CFAP61: variants seen among roughly 807,000 people sequenced by gnomAD.
CFAP61 encodes cilia- and flagella-associated protein 61.
In CFAP61, 107 loss-of-function variants were observed where a neutral mutation model predicts 135.6. That is an observed-to-expected ratio of 0.79 (90% CI 0.67 to 0.93). The LOEUF (loss-of-function observed/expected upper bound fraction) is 0.93. Ranked by LOEUF, CFAP61 falls within the 40% of genes least tolerant of loss-of-function variation. The pLI, the probability that CFAP61 is intolerant of heterozygous loss-of-function variation, is 0.00. For synonymous variants in CFAP61, 575 were observed against 578.5 expected, an observed-to-expected ratio of 0.99 and a Z score of 0.09; for missense variants, 1,507 against 1,556.2, an observed-to-expected ratio of 0.97 and a Z score of 0.53.
chr20:20,336,757 A>G (rs1226457605), intron 25 of CFAP61, among the ~76,000 whole-genome samples: 1 of 152,230 alleles, frequency 6.6e-6, no homozygotes, highest in African/African-American at 2.4e-5. Context: ...ATGAAGCTGC[A>G]GAGAGGACAA....
chr20:20,082,917 A>G (rs558688033), intron 6 of CFAP61, among the ~76,000 whole-genome samples: 1 of 152,210 alleles, frequency 6.6e-6, no homozygotes, highest in Non-Finnish European at 1.5e-5. Context: ...TACAACCACT[A>G]TGGAAAACAG....
Position 20,228,317 on chromosome 20 carries a change from G to T in CFAP61, c.2001G>T (p.Lys667Asn). Residue 667 changes from lysine to asparagine, a missense_variant, in exon 18 of 27, where the codon AAG (lysine) becomes AAT (asparagine). Physicochemically the swap from Lys to Asn is moderately conservative, Grantham distance 94. Coordinates refer to ENST00000245957, the MANE Select transcript of CFAP61 (RefSeq NM_015585.4). ...AACCTAAAATTACTGTCAATGCCAA[G>T]ATCATTGTGGTTGGTGCATCCAGTG... ...TLEPKITVNA[K>N]IIVVGASSVG... The T allele has an allele frequency of 6.2e-7, 1 of 1,611,510 alleles. No individual in the cohort carries two copies. Among genetic ancestry groups the T allele is most frequent in the Non-Finnish European group, 8.5e-7 (1 of 1,177,878 alleles).
intron 9 of CFAP61, among the ~76,000 whole-genome samples, chr20:20,148,290 A>C (rs1360189318): frequency 6.6e-6 from 1 of 152,220 alleles, no homozygotes; most frequent in Non-Finnish European, 1.5e-5. Context: ...TCTGTGAAGA[A>C]TGACGATAGT....
At chr20:20,098,521 A>G in intron 7 of CFAP61, 134 bp from the exon 8 acceptor site, 1 of 713,792 alleles carries the variant, frequency 1.4e-6, no homozygotes. Context: ...GGGGAGAAGA[A>G]TTGCTTGAAC....
At chr20:20,287,397 C>T (rs1261432511) in intron 22 of CFAP61, among the ~76,000 whole-genome samples, 1 of 152,178 alleles carries the variant, frequency 6.6e-6, no homozygotes, top group Non-Finnish European at 1.5e-5. Context: ...AATATGGCAG[C>T]CAGTAGCCAC....
chr20:20,168,723 T>A (rs1203768319), intron 12 of CFAP61, among the ~76,000 whole-genome samples: 1 of 152,222 alleles, frequency 6.6e-6, no homozygotes, highest in Non-Finnish European at 1.5e-5. Context: ...TAGAATAGAA[T>A]GAATGGCAGC....
At chr20:20,235,073 G>A (rs923272432) in intron 18 of CFAP61, among the ~76,000 whole-genome samples, 1 of 152,076 alleles carries the variant, frequency 6.6e-6, no homozygotes, top group Non-Finnish European at 1.5e-5. Flanking sequence ...TCTCCTCCAC[G>A]TGGAGGATGC....
chr20:20,086,454 G>T (rs554094796), intron 6 of CFAP61, among the ~76,000 whole-genome samples: 1 of 151,438 alleles, frequency 6.6e-6, no homozygotes, highest in Non-Finnish European at 1.5e-5. Context: ...TGCTGAGAAT[G>T]ATGGTTTCCA....
At chr20:20,287,190 G>GA (rs200389291) in intron 22 of CFAP61, among the ~76,000 whole-genome samples, 101 of 150,216 alleles carry the variant, frequency 6.7e-4, no homozygotes, top group African/African-American at 3.7e-4. Context: ...TTATAAGACA[G>GA]AAAAAAAAAG....
At chr20:20,221,885 A>G (rs561272591) in intron 17 of CFAP61, 115 of 152,330 alleles carry the variant, frequency 7.5e-4, no homozygotes, top group African/African-American at 2.5e-3. Flanking sequence ...ATGCCAAATC[A>G]TGCTGTAATC....
intron 25 of CFAP61, among the ~76,000 whole-genome samples, chr20:20,333,788 A>T (rs552698249): frequency 6.6e-6 from 1 of 152,238 alleles, no homozygotes; most frequent in Non-Finnish European, 1.5e-5. Flanking sequence ...GGTCCCGTCC[A>T]GAGCAAATGT....
At chr20:20,357,009 T>G (rs1396567260) in intron 26 of CFAP61, among the ~76,000 whole-genome samples, 2 of 115,378 alleles carry the variant, frequency 1.7e-5, no homozygotes, top group African/African-American at 7.1e-5. Flanking sequence ...GGGGAGGTGG[T>G]CACACTGTGA....
intron 17 of CFAP61, among the ~76,000 whole-genome samples, chr20:20,226,648 G>T (rs6035586): frequency 0.021 from 3,181 of 152,282 alleles, 109 homozygotes; most frequent in African/African-American, 0.071. Flanking sequence ...CTCTTGGCAT[G>T]ATGACCATAG....
chr20:20,146,348 T>C (rs1428930696), intron 9 of CFAP61, among the ~76,000 whole-genome samples: 3 of 152,194 alleles, frequency 2.0e-5, no homozygotes. Flanking sequence ...ATGAAACAAC[T>C]TAATTCAGCA....
Position 20,164,151 on chromosome 20 carries a change from C to T in CFAP61, c.1128C>T (p.His376=), listed in dbSNP as rs750316373. 3 of 1,614,174 alleles carry T rather than the reference C, an allele frequency of 1.9e-6. No homozygotes were observed. Among genetic ancestry groups the T allele is most frequent in the Non-Finnish European group, 2.5e-6 (3 of 1,180,004 alleles). The part of the protein sequence containing the change: ...ASLVLPEEPV[H]FRPIYRGASA... Reference sequence around the variant, plus strand: ...TCGTACTGCCTGAAGAGCCCGTCCACTTCCGCCCCATCTACAGGGGAGCCT... The same window carrying T: ...TCGTACTGCCTGAAGAGCCCGTCCATTTCCGCCCCATCTACAGGGGAGCCT... The change falls in exon 11 of 27, where the codon CAC becomes CAT. Residue 376 remains histidine, a synonymous_variant. Coordinates refer to ENST00000245957, the MANE Select transcript of CFAP61 (RefSeq NM_015585.4).
intron 17 of CFAP61, chr20:20,215,396 T>C (rs1311808887): frequency 6.6e-6 from 1 of 152,226 alleles, no homozygotes; most frequent in Non-Finnish European, 1.5e-5. Context: ...CTCTAATCTA[T>C]CTGTATTTTG....
intron 2 of CFAP61, among the ~76,000 whole-genome samples, chr20:20,063,465 TTAGTC>T (rs2044976830): frequency 6.6e-6 from 1 of 152,334 alleles, no homozygotes; most frequent in African/African-American, 2.4e-5. Flanking sequence ...AGAAAATTGA[TTAGTC>T]TAATTCATCA....
At chr20:20,232,172 C>T (rs1046555221) in intron 18 of CFAP61, among the ~76,000 whole-genome samples, 4 of 152,132 alleles carry the variant, frequency 2.6e-5, no homozygotes, top group Admixed American at 1.3e-4. Context: ...CAGGGGCCCC[C>T]AGGTCCTGCC....
At chr20:20,112,097 T>C (rs2048839090) in intron 8 of CFAP61, among the ~76,000 whole-genome samples, 1 of 152,202 alleles carries the variant, frequency 6.6e-6, no homozygotes, top group African/African-American at 2.4e-5. Flanking sequence ...CTATCCAGGA[T>C]AAGAAGAGAC....
Sources: gnomAD v4.1 joint callset for allele counts (sites outside exome capture counted in the v4.1 genomes callset) on GRCh38, gnomAD v4.1.1 for gene constraint, MANE v1.5 for transcripts, NCBI Gene and HGNC (gene_info 2026-07-23, HGNC 2026-07-21) for gene names.